Variants in COL18A1 observed in about 807,000 individuals in gnomAD.
COL18A1 encodes collagen alpha-1(XVIII) chain.
A neutral mutation model predicts 168.0 loss-of-function variants in COL18A1; 133 were observed. The observed-to-expected ratio is 0.79, with a 90% CI of 0.69 to 0.91. The LOEUF is 0.91. Ranked by LOEUF, COL18A1 falls within the 40% of genes least tolerant of loss-of-function variation. COL18A1 has a pLI of 0.00. For synonymous variants in COL18A1, 949 were observed against 809.0 expected, an observed-to-expected ratio of 1.17 and a Z score of -2.94; for missense variants, 2,126 against 1,925.4, an observed-to-expected ratio of 1.10 and a Z score of -1.95.
intron 2 of COL18A1, among the ~76,000 whole-genome samples, chr21:45,444,250 A>G (rs1386273662): frequency 6.6e-6 from 1 of 152,150 alleles, no homozygotes; most frequent in Non-Finnish European, 1.5e-5. Flanking sequence ...CAGTGCTGCG[A>G]GCAGGCTGGG....
intron 24 of COL18A1, 151 bp from the exon 25 acceptor site, chr21:45,493,012 T>C: frequency 3.7e-6 from 3 of 803,190 alleles, no homozygotes; most frequent in South Asian, 3.1e-5. Context: ...AGGCCTGCAG[T>C]GTCCAGAGTG....
chr21:45,466,038 A>G (rs2035196162), intron 2 of COL18A1, among the ~76,000 whole-genome samples: 1 of 152,094 alleles, frequency 6.6e-6, no homozygotes, highest in Admixed American at 6.5e-5. Flanking sequence ...TGGGACTCAC[A>G]GGAGACCCCC....
intron 2 of COL18A1, among the ~76,000 whole-genome samples, chr21:45,411,073 G>A (rs940432195): frequency 3.9e-5 from 6 of 152,176 alleles, no homozygotes; most frequent in Admixed American, 2.0e-4. Context: ...GCAGCTGGGC[G>A]GGACATCTGG....
chr21:45,508,419 A>T (rs1354067556), intron 38 of COL18A1, among the ~76,000 whole-genome samples: 4 of 106,672 alleles, frequency 3.7e-5, no homozygotes, highest in African/African-American at 1.7e-4. Context: ...TGAGTGGATG[A>T]ATGGGTGGAT....
rs77278851 is a variant in COL18A1, at chr21:45,509,681, A to G, written c.3495+80A>G. The G allele has an allele frequency of 3.1e-3, 2,579 of 834,452 alleles. 49 individuals carry two copies. The African/African-American group carries it at 0.038, about 12-fold the overall frequency. 51.7% of individuals were successfully genotyped at this position (834,452 alleles called of 1,614,324 possible). A position where few individuals can be genotyped will look rare whatever the true frequency, so the allele number is the denominator to read the frequency against. On this transcript the variant is annotated intron_variant, in intron 39 of 41. Coordinates refer to ENST00000651438, the MANE Select transcript of COL18A1 (RefSeq NM_001379500.1). ...GCAGAAGAGGGCCCAGCCCCTGCAG[A>G]GCTGCTGGGGGTCCCAGGCTTCGGC...
rs886714384 is a variant in COL18A1, at chr21:45,490,734, G to T, written c.2032-102G>T. On this transcript the variant is annotated intron_variant, in intron 20 of 41. Coordinates refer to ENST00000651438, the MANE Select transcript of COL18A1 (RefSeq NM_001379500.1). ...CCTCCCTCCCAGGCCCCAGCCGGTC[G>T]GGAAATAAAGAACCCCACATCTTCA... is the stretch of plus-strand genomic sequence containing the variant. 3 of 1,288,942 alleles carry T rather than the reference G, an allele frequency of 2.3e-6. No homozygotes were observed. The East Asian group carries it at 7.6e-5, about 33-fold the overall frequency. The allele number at this position is 1,288,942 out of a possible 1,614,324, so 79.8% of individuals were successfully genotyped here.
chr21:45,501,571 G>T (rs541131373), intron 32 of COL18A1, among the ~76,000 whole-genome samples: 6 of 152,256 alleles, frequency 3.9e-5, no homozygotes, highest in African/African-American at 1.4e-4. Flanking sequence ...GAGCTTAGGT[G>T]CGTCCAGGGC....
Position 45,512,487 on chromosome 21 carries a change from C to A in COL18A1, c.*89C>A. 8.0e-7 allele frequency: 1 copy of A among 1,253,944 alleles called. No individual in the cohort carries two copies. Among genetic ancestry groups the A allele is most frequent in the Non-Finnish European group, 1.1e-6 (1 of 878,616 alleles). The allele number at this position is 1,253,944 out of a possible 1,614,324, so 77.7% of individuals were successfully genotyped here. Reference sequence around the variant, plus strand: ...AGGGAGCGGCCGGCCAGCCCCTGGCCCCAGGACCTGGCTGCCATACTTTCC... The same window carrying A: ...AGGGAGCGGCCGGCCAGCCCCTGGCACCAGGACCTGGCTGCCATACTTTCC... On this transcript the variant is annotated 3_prime_UTR_variant, in exon 42 of 42. Transcript: ENST00000651438.
rs62216297 is a variant in COL18A1 at position 45,425,929 on chromosome 21, C to T, written c.106+20456C>T. Among the ~76,000 whole-genome samples the T allele has an allele frequency of 1.4e-3, 213 of 152,314 alleles. No individual in the cohort carries two copies. The highest frequency in any genetic ancestry group is 2.4e-3 in the Non-Finnish European group (164 of 68,014). On this transcript the variant is annotated intron_variant, in intron 2 of 41. Coordinates refer to ENST00000651438, the MANE Select transcript of COL18A1 (RefSeq NM_001379500.1). This position sits in a 1 kb window ranked among gnomAD's most constrained non-coding sequence, Gnocchi z 4.1. ...AAAGCACCGTGAGGCCTCATCCCTG[C>T]ATCCCTGTTGCTTCTTTCATGTGGG... is the stretch of plus-strand genomic sequence containing the variant.
At chr21:45,411,572 C>G (rs752341935) in intron 2 of COL18A1, among the ~76,000 whole-genome samples, 2 of 152,136 alleles carry the variant, frequency 1.3e-5, no homozygotes, top group Non-Finnish European at 2.9e-5. Context: ...CTGGAGGGCC[C>G]GGCGCTGTGA....
At chr21:45,504,311 G>A (rs1458378622) in intron 33 of COL18A1, 105 bp from the exon 34 acceptor site, 6 of 1,191,786 alleles carry the variant, frequency 5.0e-6, no homozygotes, top group Non-Finnish European at 7.1e-6. Context: ...CCAGGCCTGG[G>A]CTCCGGAAGC....
At chr21:45,511,528 T>C (rs1252777754) in intron 41 of COL18A1, among the ~76,000 whole-genome samples, 1 of 152,132 alleles carries the variant, frequency 6.6e-6, no homozygotes, top group Non-Finnish European at 1.5e-5. Context: ...GTCAGCCATG[T>C]AAGCAGCGCA....
At chr21:45,413,438 A>G (rs1400237673) in intron 2 of COL18A1, among the ~76,000 whole-genome samples, 2 of 152,102 alleles carry the variant, frequency 1.3e-5, no homozygotes, top group African/African-American at 4.8e-5. Context: ...GGCGGCAAAC[A>G]TTTTCTAAAG....
intron 3 of COL18A1, among the ~76,000 whole-genome samples, chr21:45,470,979 C>T (rs532582637): frequency 2.7e-5 from 4 of 150,882 alleles, no homozygotes; most frequent in South Asian, 2.1e-4. Context: ...GCGTGGGTGG[C>T]GCGCTACAGG....
intron 2 of COL18A1, among the ~76,000 whole-genome samples, chr21:45,447,084 T>G (rs2034518644): frequency 6.6e-6 from 1 of 152,148 alleles, no homozygotes; most frequent in African/African-American, 2.4e-5. Flanking sequence ...CTATTGCGCC[T>G]TCTGTTTAAC....
At chr21:45,508,723 T>C (rs1279786556) in intron 38 of COL18A1, among the ~76,000 whole-genome samples, 3 of 152,124 alleles carry the variant, frequency 2.0e-5, no homozygotes, top group African/African-American at 7.2e-5. Context: ...ATTTGCTGAT[T>C]CATTCTTTCA....
At chr21:45,477,659 A>T (rs1448867690) in intron 7 of COL18A1, 91 bp from the exon 8 acceptor site, 1 of 1,365,976 alleles carries the variant, frequency 7.3e-7, no homozygotes, top group Non-Finnish European at 1.0e-6. Flanking sequence ...GAAGCAGCCC[A>T]GCCTGGGACT....
At chr21:45,452,798 A>C (rs1217749905) in intron 2 of COL18A1, among the ~76,000 whole-genome samples, 1 of 115,590 alleles carries the variant, frequency 8.7e-6, no homozygotes, top group Non-Finnish European at 1.8e-5. Context: ...ATGCATGTAC[A>C]TATGTGATTG....
At chr21:45,506,983 GA>G in intron 37 of COL18A1, 2 of 277,592 alleles carry the variant, frequency 7.2e-6, no homozygotes, top group South Asian at 3.4e-5. Context: ...TAGGCACCCG[GA>G]TGCAGCCCCA....
Sources: gnomAD v4.1 joint callset for allele counts (sites outside exome capture counted in the v4.1 genomes callset) on GRCh38, gnomAD v4.1.1 for gene constraint, Gnocchi (gnomAD v3.1) non-coding constraint, MANE v1.5 for transcripts, NCBI Gene and HGNC (gene_info 2026-07-23, HGNC 2026-07-21) for gene names.